The following ARHGEF2 variants were observed in gnomAD, a reference collection of about 807,000 sequenced individuals.
ARHGEF2 encodes Rho/Rac guanine nucleotide exchange factor 2.
A neutral mutation model predicts 121.0 loss-of-function variants in ARHGEF2; 22 were observed. That is an observed-to-expected ratio of 0.18 (90% CI 0.13 to 0.26). The LOEUF (loss-of-function observed/expected upper bound fraction) is 0.26, where lower values mean the gene tolerates loss of function less well. Ranked by LOEUF, ARHGEF2 falls within the 10% of genes least tolerant of loss-of-function variation. The probability of loss-of-function intolerance (pLI) is 1.00; values close to 1 mark genes in which losing one functional copy is unlikely to be tolerated. For missense variants in ARHGEF2, 907 were observed against 1,336.0 expected, an observed-to-expected ratio of 0.68 and a Z score of 5.01; for synonymous variants, 487 against 530.0, an observed-to-expected ratio of 0.92 and a Z score of 1.11.
chr1:155,966,995 C>CT, intron 2 of ARHGEF2, 108 bp from the exon 3 acceptor site: 1 of 1,053,100 alleles, frequency 9.5e-7, no homozygotes, highest in South Asian at 1.3e-5. Flanking sequence ...CTCGGGGACT[C>CT]TCCCCCCTTC....
intron 21 of ARHGEF2, among the ~76,000 whole-genome samples, chr1:155,949,903 T>A (rs1366161838): frequency 1.3e-5 from 2 of 151,778 alleles, no homozygotes; most frequent in Non-Finnish European, 2.9e-5. Flanking sequence ...ATAAATTAAT[T>A]AAATAAAATA....
Position 155,950,443 on chromosome 1 carries a change from T to G in ARHGEF2, c.2743A>C (p.Thr915Pro), listed in dbSNP as rs146435720. 4.3e-6 allele frequency: 7 copies of G among 1,613,526 alleles called. No individual in the cohort carries two copies. The African/African-American group carries it at 9.4e-5, about 22-fold the overall frequency. ...GTDRLDLPVT[T>P]RSVHRNFEDR... is the part of the protein sequence containing the mutation. The stretch of plus-strand genomic sequence containing the variant: ...TCAAAGTTTCGATGGACAGAGCGAG[T>G]AGTGACAGGTAGATCCAGGCGGTCA... Residue 915 changes from threonine (T) to proline (P), a missense_variant, in exon 21 of 22, where the codon ACT becomes CCT. Physicochemically the swap from Thr to Pro is conservative, Grantham distance 38 (BLOSUM62 -1). Around this residue, in one of 2 missense-constraint regions of ARHGEF2, gnomAD observed 432 missense variants for 559.5 expected, o/e 0.77. Transcript: ENST00000361247. This position sits in a 1 kb window ranked among gnomAD's most constrained non-coding sequence, Gnocchi z 5.2.
chr1:155,973,392 A>G (rs1483750263), intron 1 of ARHGEF2, among the ~76,000 whole-genome samples: 1 of 152,174 alleles, frequency 6.6e-6, no homozygotes, highest in African/African-American at 2.4e-5. Flanking sequence ...TGGAAGTCAG[A>G]AGACCAACCC....
upstream of ARHGEF2, chr1:155,978,553 G>A: frequency 7.9e-7 from 1 of 1,268,282 alleles, no homozygotes; most frequent in Non-Finnish European, 1.0e-6. The surrounding 1 kb of genome is among the most constrained non-coding windows in gnomAD (Gnocchi z 4.1). Context: ...GACTCCCCTC[G>A]CCCGGCACCC....
Position 155,956,313 on chromosome 1 carries a change from G to A in ARHGEF2, c.1716-1344C>T, listed in dbSNP as rs368760627. Among the ~76,000 whole-genome samples the A allele has an allele frequency of 4.6e-5, 7 of 151,978 alleles. No individual in the cohort carries two copies. The East Asian group carries it at 1.4e-3, about 30-fold the overall frequency. ...GAGGTTTCACCATATTGGCCGGGCT[G>A]GTCTTGAACTCCTGACCTCAAGTGA... is the stretch of plus-strand genomic sequence containing the variant. On this transcript the variant is annotated intron_variant, in intron 13 of 21. Transcript: ENST00000361247.
At chr1:155,977,492 C>A (rs1278015112) in intron 1 of ARHGEF2, among the ~76,000 whole-genome samples, 1 of 151,978 alleles carries the variant, frequency 6.6e-6, no homozygotes, top group African/African-American at 2.4e-5. Flanking sequence ...CCAAGACGAG[C>A]AGATAAGAGA....
chr1:155,975,359 C>T (rs1190102277), intron 1 of ARHGEF2, among the ~76,000 whole-genome samples: 2 of 152,078 alleles, frequency 1.3e-5, no homozygotes, highest in African/African-American at 2.4e-5. Context: ...TAAGATCAGA[C>T]CCCACTGTAA....
chr1:155,970,036 T>TCAGC, intron 1 of ARHGEF2: 1 of 985,416 alleles, frequency 1.0e-6, no homozygotes, highest in Non-Finnish European at 1.2e-6. Context: ...GTAAGGAAGC[T>TCAGC]CAGCCAGCCA....
intron 1 of ARHGEF2, among the ~76,000 whole-genome samples, chr1:155,971,580 A>AG (rs1222900072): frequency 1.9e-5 from 1 of 51,344 alleles, no homozygotes; most frequent in Non-Finnish European, 7.7e-5. Flanking sequence ...ACTATGTCTC[A>AG]AAAAAAAAAA....
At chr1:155,967,025 C>A (rs1679537216) in intron 2 of ARHGEF2, 138 bp from the exon 3 acceptor site, 1 of 738,826 alleles carries the variant, frequency 1.4e-6, no homozygotes, top group Non-Finnish European at 2.4e-6. Context: ...TGGGCCATTA[C>A]CACACCCCAG....
Position 155,961,554 on chromosome 1 carries a change from G to A in ARHGEF2, c.1468+107C>T, listed in dbSNP as rs890447610. ...CTCCCTAAGTGCTGGGATTACAGGC[G>A]TTGAGCCACTGCACCCGGCCAAGAG... On this transcript the variant is annotated intron_variant, in intron 11 of 21. Transcript: ENST00000361247. The surrounding 1 kb of genome is among the most constrained non-coding windows in gnomAD (Gnocchi z 4.7). The A allele has an allele frequency of 1.4e-5, 21 of 1,486,372 alleles. No homozygotes were observed. Among genetic ancestry groups the A allele is most frequent in the Admixed American group, 7.5e-5 (4 of 53,046 alleles). 92.1% of individuals were successfully genotyped at this position (1,486,372 alleles called of 1,614,324 possible). A position where few individuals can be genotyped will look rare whatever the true frequency, so the allele number is the denominator to read the frequency against.
upstream of ARHGEF2, chr1:155,979,392 A>G: frequency 1.1e-6 from 1 of 933,368 alleles, no homozygotes; most frequent in Middle Eastern, 5.5e-4. Context: ...TCTCCCCAAG[A>G]AGCAGGGTAA....
chr1:155,956,711 A>G (rs1401798888), intron 13 of ARHGEF2, among the ~76,000 whole-genome samples: 1 of 151,526 alleles, frequency 6.6e-6, no homozygotes, highest in African/African-American at 2.4e-5. Context: ...TAATCCCAGG[A>G]CTTTGGGAGG....
In ARHGEF2 at chr1:155,962,030, C is replaced by T; in HGVS notation, c.1219+75G>A. On this transcript the variant is annotated intron_variant, in intron 10 of 21. Transcript: ENST00000361247. This position sits in a 1 kb window ranked among gnomAD's most constrained non-coding sequence, Gnocchi z 5.8. The stretch of plus-strand genomic sequence containing the variant: ...GGTTTCACACCCGACCCCACCCTTC[C>T]TGTGGTCATACCGAGCCTTTCCTCA... 2 of 1,605,118 alleles carry T rather than the reference C, an allele frequency of 1.2e-6. No individual in the cohort carries two copies.
chr1:155,949,941 G>A (rs1346762056), intron 21 of ARHGEF2, among the ~76,000 whole-genome samples: 5 of 151,290 alleles, frequency 3.3e-5, no homozygotes, highest in Non-Finnish European at 7.4e-5. Flanking sequence ...ATTTTTTTTT[G>A]TAGAGAAGGT....
intron 11 of ARHGEF2, among the ~76,000 whole-genome samples, chr1:155,960,854 G>A (rs1677757827): frequency 6.6e-6 from 1 of 152,208 alleles, no homozygotes. Context: ...GACTTTGCCA[G>A]TGCAGACAAA....
At chr1:155,966,531 A>G (rs1410059652) in intron 3 of ARHGEF2, 52 bp from the exon 4 acceptor site, 1 of 1,599,534 alleles carries the variant, frequency 6.3e-7, no homozygotes, top group Non-Finnish European at 8.6e-7. Context: ...TCACCCAAGG[A>G]TCACCCCCAG....
chr1:155,964,187 T>TAC (rs1678816018), intron 7 of ARHGEF2, among the ~76,000 whole-genome samples: 1 of 126,106 alleles, frequency 7.9e-6, no homozygotes, highest in African/African-American at 3.3e-5. Context: ...TATATATATA[T>TAC]ATATATATAT....
intron 1 of ARHGEF2, among the ~76,000 whole-genome samples, chr1:155,971,285 G>GTTCAAA (rs1680405024): frequency 2.0e-5 from 3 of 152,092 alleles, no homozygotes; most frequent in Non-Finnish European, 4.4e-5. Context: ...CTCTTTAGAA[G>GTTCAAA]TTCAAATTCA....
Sources: allele counts gnomAD v4.1 joint callset (sites outside exome capture counted in the v4.1 genomes callset), GRCh38; gene constraint gnomAD v4.1.1; regional missense constraint gnomAD v4.1.1; non-coding constraint Gnocchi (gnomAD v3.1); transcripts MANE v1.5; gene names NCBI Gene and HGNC (gene_info 2026-07-23, HGNC 2026-07-21).